Variants in PCDH15 observed in about 807,000 individuals in gnomAD.
PCDH15 encodes protocadherin related 15, also known as protocadherin-15.
PCDH15 carries 129 observed loss-of-function variants against 178.5 expected under a neutral mutation model. The ratio of observed to expected loss-of-function variants is 0.72; its 90% CI spans 0.63 to 0.84. The LOEUF is 0.84. PCDH15 is among the 40% of genes least tolerant of loss of function. PCDH15 has a pLI of 0.00. For missense variants in PCDH15, 2,230 were observed against 2,099.9 expected (o/e 1.06, Z -1.21); for synonymous variants, 800 against 732.0 (o/e 1.09, Z -1.50).
intron 3 of PCDH15, among the ~76,000 whole-genome samples, chr10:54,509,750 C>T (rs1047756136): frequency 6.6e-6 from 1 of 152,148 alleles, no homozygotes; most frequent in Non-Finnish European, 1.5e-5. Flanking sequence ...AGTTTGATCA[C>T]TTGAAAACTC....
At chr10:54,773,643 T>C (rs1949348564) in intron 1 of PCDH15, among the ~76,000 whole-genome samples, 1 of 152,230 alleles carries the variant, frequency 6.6e-6, no homozygotes, top group Non-Finnish European at 1.5e-5. Flanking sequence ...CACTGAGACA[T>C]GTTGATTCTA....
intron 2 of PCDH15, among the ~76,000 whole-genome samples, chr10:55,390,703 G>T (rs562665577): frequency 1.3e-5 from 2 of 152,112 alleles, no homozygotes; most frequent in South Asian, 4.1e-4. Flanking sequence ...TTAATTTATG[G>T]GCTAAAGAAT....
chr10:55,064,530 T>C (rs1309804563), intron 2 of PCDH15, among the ~76,000 whole-genome samples: 1 of 152,110 alleles, frequency 6.6e-6, no homozygotes, highest in Non-Finnish European at 1.5e-5. Flanking sequence ...ATTGAAATCA[T>C]TGTCATTTAA....
At chr10:53,965,445 A>C (rs549169379) in intron 21 of PCDH15, among the ~76,000 whole-genome samples, 2 of 152,346 alleles carry the variant, frequency 1.3e-5, no homozygotes, top group African/African-American at 4.8e-5. Flanking sequence ...CAAAGTTATT[A>C]ATTGAACAAA....
intron 3 of PCDH15, among the ~76,000 whole-genome samples, chr10:54,419,530 C>T (rs1460120057): frequency 1.3e-5 from 2 of 152,094 alleles, no homozygotes; most frequent in Non-Finnish European, 2.9e-5. Flanking sequence ...TCAACTCAAT[C>T]TTGTGTGTTC....
intron 28 of PCDH15, among the ~76,000 whole-genome samples, chr10:53,850,388 T>C (rs1354815425): frequency 2.6e-5 from 4 of 152,102 alleles, no homozygotes; most frequent in Non-Finnish European, 5.9e-5. Flanking sequence ...AGAACTATGA[T>C]TTCTTTAATC....
intron 3 of PCDH15, among the ~76,000 whole-genome samples, chr10:54,818,053 G>T (rs1420215433): frequency 6.6e-6 from 1 of 151,886 alleles, no homozygotes; most frequent in African/African-American, 2.4e-5. Context: ...CTAAAGTTTG[G>T]AGTATTAAAA....
intron 1 of PCDH15, among the ~76,000 whole-genome samples, chr10:54,750,516 T>C (rs948993370): frequency 2.6e-5 from 4 of 152,130 alleles, no homozygotes; most frequent in African/African-American, 7.2e-5. Flanking sequence ...AACTTCACTG[T>C]ACTATACAAT....
At chr10:54,839,882 A>G (rs1476016742) in intron 3 of PCDH15, among the ~76,000 whole-genome samples, 1 of 152,054 alleles carries the variant, frequency 6.6e-6, no homozygotes, top group Non-Finnish European at 1.5e-5. Flanking sequence ...GAAGGAAAAA[A>G]AAAATCTTGC....
intron 11 of PCDH15, among the ~76,000 whole-genome samples, chr10:54,194,227 C>A (rs186383001): frequency 5.3e-5 from 8 of 152,098 alleles, no homozygotes; most frequent in African/African-American, 1.4e-4. Context: ...TCTGAAAGTG[C>A]CTTCCTAATT....
intron 2 of PCDH15, among the ~76,000 whole-genome samples, chr10:54,945,230 C>G (rs1838164191): frequency 6.6e-6 from 1 of 151,646 alleles, no homozygotes; most frequent in Admixed American, 6.6e-5. Context: ...GAACCATTAT[C>G]CAAGCAACAG....
chr10:54,539,205 C>T (rs1311061092), intron 2 of PCDH15, among the ~76,000 whole-genome samples: 1 of 152,148 alleles, frequency 6.6e-6, no homozygotes, highest in African/African-American at 2.4e-5. Context: ...GATAAAGTAA[C>T]ACCCATTCAT....
intron 2 of PCDH15, among the ~76,000 whole-genome samples, chr10:55,624,603 G>A (rs574709520): frequency 6.6e-6 from 1 of 152,090 alleles, no homozygotes; most frequent in Admixed American, 6.6e-5. Context: ...TAATGCTTAT[G>A]ATGACAAAAA....
intron 8 of PCDH15, among the ~76,000 whole-genome samples, chr10:54,316,525 T>C (rs1169010504): frequency 4.2e-5 from 6 of 141,676 alleles, no homozygotes; most frequent in Non-Finnish European, 9.0e-5. Flanking sequence ...ACAGAATATG[T>C]GTATACACAC....
intron 2 of PCDH15, among the ~76,000 whole-genome samples, chr10:54,934,674 T>G (rs1470343943): frequency 6.6e-6 from 1 of 151,046 alleles, no homozygotes; most frequent in Non-Finnish European, 1.5e-5. Context: ...AGTGTGGCGA[T>G]TCCTCAGGGA....
chr10:54,970,945 T>A (rs918043360), intron 2 of PCDH15, among the ~76,000 whole-genome samples: 9 of 152,196 alleles, frequency 5.9e-5, no homozygotes, highest in African/African-American at 2.2e-4. Context: ...TGGAAATACC[T>A]AACTTGTTTG....
chr10:55,104,702 T>C (rs546494538), intron 2 of PCDH15, among the ~76,000 whole-genome samples: 6 of 152,326 alleles, frequency 3.9e-5, no homozygotes, highest in African/African-American at 1.4e-4. Context: ...TGTACCTCAA[T>C]TTACAGTACT....
intron 2 of PCDH15, among the ~76,000 whole-genome samples, chr10:55,567,382 C>A (rs1416261081): frequency 6.6e-6 from 1 of 150,464 alleles, no homozygotes; most frequent in African/African-American, 2.4e-5. Flanking sequence ...TAATAAGACA[C>A]CTGACATTCA....
At chr10:55,527,276 T>C (rs558255829) in intron 2 of PCDH15, among the ~76,000 whole-genome samples, 1 of 152,078 alleles carries the variant, frequency 6.6e-6, no homozygotes, top group African/African-American at 2.4e-5. Context: ...AATCCAAGGT[T>C]AAGGTGTCAG....
Sources: gnomAD v4.1 joint callset for allele counts (sites outside exome capture counted in the v4.1 genomes callset) on GRCh38, gnomAD v4.1.1 for gene constraint, MANE v1.5 for transcripts, NCBI Gene and HGNC (gene_info 2026-07-23, HGNC 2026-07-21) for gene names.